The following SSH2 variants were observed in gnomAD, a reference collection of about 807,000 sequenced individuals.
The protein encoded by SSH2 is slingshot protein phosphatase 2.
In SSH2, 37 loss-of-function variants were observed where a neutral mutation model predicts 135.2. That is an observed-to-expected ratio of 0.27 (90% CI 0.21 to 0.36). The LOEUF is 0.36. Ranked by LOEUF, SSH2 falls within the 10% of genes least tolerant of loss-of-function variation. The pLI is 1.00. For missense variants in SSH2, 1,408 were observed against 1,765.3 expected (o/e 0.80, Z 3.63); for synonymous variants, 628 against 646.2 (o/e 0.97, Z 0.43).
intron 2 of SSH2, among the ~76,000 whole-genome samples, chr17:29,814,806 TATGTGA>T (rs1486486133): frequency 6.6e-6 from 1 of 152,072 alleles, no homozygotes; most frequent in Non-Finnish European, 1.5e-5. Flanking sequence ...TTTCTTCTGG[TATGTGA>T]ATTATAAATG....
chr17:29,631,417 C>T lies in SSH2; in HGVS notation c.3777G>A (p.Lys1259=), dbSNP rs184613173. The T allele has an allele frequency of 6.2e-7, 1 of 1,614,154 alleles. No individual in the cohort carries two copies. Among genetic ancestry groups the T allele is most frequent in the South Asian group, 1.1e-5 (1 of 91,076 alleles). Residue 1259 remains lysine (K), a synonymous_variant, in exon 16 of 16, where the codon AAG becomes AAA. Transcript: ENST00000540801. ...KSLSHSPGVV[K]ERAKEIESRV... ...GAGACTCGATTTCTTTAGCACGCTC[C>T]TTCACCACACCGGGGCTGTGGCTGA... is the stretch of plus-strand genomic sequence containing the variant.
intron 8 of SSH2, chr17:29,676,277 T>C (rs1378102617): frequency 1.3e-5 from 2 of 151,578 alleles, no homozygotes; most frequent in Non-Finnish European, 2.9e-5. Context: ...TACTAAAAAA[T>C]ACAAAAAAAT....
intron 14 of SSH2, among the ~76,000 whole-genome samples, chr17:29,638,259 T>C (rs2035997552): frequency 6.7e-6 from 1 of 149,264 alleles, no homozygotes; most frequent in Non-Finnish European, 1.5e-5. Flanking sequence ...AGCTGTCAGG[T>C]CTACAGAAAT....
At chr17:29,908,601 T>C (rs2066699596) in intron 1 of SSH2, among the ~76,000 whole-genome samples, 1 of 151,292 alleles carries the variant, frequency 6.6e-6, no homozygotes, top group African/African-American at 2.4e-5. Flanking sequence ...CCGTCTCTAC[T>C]AAAAATACAA....
chr17:29,651,940 T>C (rs913478145), intron 12 of SSH2, among the ~76,000 whole-genome samples: 2 of 152,166 alleles, frequency 1.3e-5, no homozygotes, highest in Non-Finnish European at 2.9e-5. Context: ...GTGAGAAGTT[T>C]GAGACCAGCC....
intron 2 of SSH2, among the ~76,000 whole-genome samples, chr17:29,839,623 TGAA>T: frequency 6.6e-6 from 1 of 152,314 alleles, no homozygotes; most frequent in Middle Eastern, 3.4e-3. Flanking sequence ...TGGACCTTTG[TGAA>T]GAAGAAATAT....
At chr17:29,725,003 T>G (rs2039951190) in intron 3 of SSH2, among the ~76,000 whole-genome samples, 1 of 152,064 alleles carries the variant, frequency 6.6e-6, no homozygotes, top group South Asian at 2.1e-4. Flanking sequence ...GAGCTTATTA[T>G]GTAGCAGGTC....
intron 1 of SSH2, among the ~76,000 whole-genome samples, chr17:29,903,361 C>T (rs1266384330): frequency 6.7e-6 from 1 of 150,088 alleles, no homozygotes. Context: ...AAAGTGTTCC[C>T]TTCAAATAGT....
chr17:29,811,372 A>G (rs1179165913), intron 2 of SSH2, among the ~76,000 whole-genome samples: 1 of 152,130 alleles, frequency 6.6e-6, no homozygotes, highest in African/African-American at 2.4e-5. Flanking sequence ...AATATACAAT[A>G]GCAAATCATT....
At chr17:29,674,520 G>C (rs1404338137) in intron 8 of SSH2, among the ~76,000 whole-genome samples, 4 of 152,164 alleles carry the variant, frequency 2.6e-5, no homozygotes, top group African/African-American at 9.7e-5. Context: ...CAGAGTGGGA[G>C]GCTGCAGTAA....
intron 1 of SSH2, among the ~76,000 whole-genome samples, chr17:29,907,962 G>A (rs1013434934): frequency 3.3e-5 from 5 of 151,574 alleles, no homozygotes; most frequent in East Asian, 3.9e-4. Flanking sequence ...CTGGGACTAC[G>A]GGCATGTGCC....
At chr17:29,843,632 T>G (rs762733849) in intron 2 of SSH2, among the ~76,000 whole-genome samples, 13 of 152,110 alleles carry the variant, frequency 8.5e-5, no homozygotes, top group Non-Finnish European at 1.6e-4. Flanking sequence ...TAACCATTGT[T>G]TTCATCGTTC....
At chr17:29,759,729 A>AC (rs770772553) in intron 3 of SSH2, among the ~76,000 whole-genome samples, 16 of 152,358 alleles carry the variant, frequency 1.1e-4, no homozygotes, top group African/African-American at 3.4e-4. Context: ...AAGGTCATTC[A>AC]TACTGTAGCA....
chr17:29,763,756 G>A (rs932547780), intron 3 of SSH2, among the ~76,000 whole-genome samples: 10 of 152,130 alleles, frequency 6.6e-5, no homozygotes, highest in African/African-American at 2.4e-4. Context: ...TTATAAATAG[G>A]TTCCTATAGC....
intron 3 of SSH2, among the ~76,000 whole-genome samples, chr17:29,785,845 C>T (rs2041951142): frequency 7.3e-6 from 1 of 137,390 alleles, no homozygotes; most frequent in Non-Finnish European, 1.5e-5. Flanking sequence ...GCCTGTGTAG[C>T]CCAGGCTGGA....
At chr17:29,888,517 A>G (rs2066282818) in intron 1 of SSH2, among the ~76,000 whole-genome samples, 1 of 152,158 alleles carries the variant, frequency 6.6e-6, no homozygotes, top group Admixed American at 6.6e-5. Context: ...ACTCTCTGGG[A>G]TGGAATCCGT....
chr17:29,924,508 T>C (rs1243489328), intron 1 of SSH2, among the ~76,000 whole-genome samples: 2 of 152,222 alleles, frequency 1.3e-5, no homozygotes, highest in Non-Finnish European at 2.9e-5. Flanking sequence ...CTTCTTATGA[T>C]GATTCAGAAT....
At chr17:29,873,462 G>A (rs1170871996) in intron 1 of SSH2, among the ~76,000 whole-genome samples, 1 of 152,110 alleles carries the variant, frequency 6.6e-6, no homozygotes. Flanking sequence ...GGGAGGCTGA[G>A]GCGGGAGAAT....
At chr17:29,687,514 T>C (rs797001385) in intron 5 of SSH2, among the ~76,000 whole-genome samples, 13 of 152,256 alleles carry the variant, frequency 8.5e-5, no homozygotes, top group African/African-American at 2.9e-4. Flanking sequence ...TCTAGAAGGC[T>C]GGGATCAAGG....
Sources: allele counts gnomAD v4.1 joint callset (sites outside exome capture counted in the v4.1 genomes callset), GRCh38; gene constraint gnomAD v4.1.1; transcripts MANE v1.5; gene names NCBI Gene and HGNC (gene_info 2026-07-23, HGNC 2026-07-21).